The following SMTN variants were observed in gnomAD, a reference collection of about 807,000 sequenced individuals.
The protein encoded by SMTN is smoothelin.
Under a neutral mutation model 102.0 loss-of-function variants are expected in SMTN, and 58 were observed. The ratio of observed to expected loss-of-function variants is 0.57; its 90% CI spans 0.46 to 0.71. SMTN has a LOEUF of 0.71. SMTN is among the 30% of genes least tolerant of loss of function. The probability of loss-of-function intolerance (pLI) is 0.00; values close to 1 mark genes in which losing one functional copy is unlikely to be tolerated. For synonymous variants in SMTN, 478 were observed against 497.9 expected (o/e 0.96, Z 0.53); for missense variants, 1,185 against 1,241.7 (o/e 0.95, Z 0.69).
intron 19 of SMTN, 60 bp from the exon 20 acceptor site, chr22:31,100,825 C>T: frequency 1.2e-6 from 1 of 837,568 alleles, no homozygotes; most frequent in East Asian, 2.8e-5. Flanking sequence ...TCTTCCCCAC[C>T]CGGGGCCCTG....
At position 31,099,699 on chromosome 22, in the gene SMTN, G is replaced by A. The variant is rs113431710; in HGVS notation, c.2452-46G>A. ...AGAATGCTGAGGGGTAGACAGCAGG[G>A]GGGAGTTGCCCCCAGGTTCCTGACC... On this transcript the variant is annotated intron_variant, in intron 18 of 20. Transcript: ENST00000333137. 57 of 1,601,680 alleles carry A rather than the reference G, an allele frequency of 3.6e-5. 2 individuals carry two copies. In the African/African-American group the frequency reaches 3.9e-4, roughly 11 times the overall value.
Position 31,096,913 on chromosome 22 carries a change from G to T in SMTN, c.2026+16G>T, listed in dbSNP as rs2043633648. On this transcript the variant is annotated intron_variant, in intron 14 of 20. Coordinates refer to ENST00000333137, the MANE Select transcript of SMTN (RefSeq NM_134269.3). ...GTCCACTCCAGTAAGGGGCCAAATG[G>T]GGCCGGCCCAGGGCTCAGGGTGGGA... 1 of 1,605,944 alleles carries T rather than the reference G, an allele frequency of 6.2e-7. No homozygotes were observed. Among genetic ancestry groups the T allele is most frequent in the Non-Finnish European group, 8.5e-7 (1 of 1,175,078 alleles).
intron 1 of SMTN, among the ~76,000 whole-genome samples, chr22:31,070,674 A>G (rs11705177): frequency 0.23 from 34,816 of 151,346 alleles, 5,190 homozygotes; most frequent in African/African-American, 0.43. Flanking sequence ...CTGTAATCCC[A>G]GCACTTTGGG....
At chr22:31,086,888 C>T (rs2147622175) in intron 2 of SMTN, among the ~76,000 whole-genome samples, 1 of 152,368 alleles carries the variant, frequency 6.6e-6, no homozygotes, top group Non-Finnish European at 1.5e-5. Context: ...CCCATCCCCA[C>T]CCTTGCCACC....
chr22:31,090,639 G>A (rs919525458), intron 8 of SMTN, among the ~76,000 whole-genome samples, 169 bp from the exon 9 acceptor site: 7 of 152,124 alleles, frequency 4.6e-5, no homozygotes, highest in Non-Finnish European at 1.0e-4. Flanking sequence ...TGGGGATGCC[G>A]GAGTGTGGGA....
chr22:31,088,122 C>CG lies in SMTN; in HGVS notation c.200+15dup. 1.3e-6 allele frequency: 2 copies of CG among 1,586,734 alleles called. No homozygotes were observed. Among genetic ancestry groups the CG allele is most frequent in the Non-Finnish European group, 8.6e-7 (1 of 1,162,050 alleles). On this transcript the variant is annotated intron_variant, in intron 3 of 20. Transcript: ENST00000333137. ...AAGGAGAACTGGCTGCAGTGAGTAG[C>CG]GGGGGGTGGAACATGCGGGTGAGAA...
chr22:31,070,884 A>G (rs1368139527), intron 1 of SMTN, among the ~76,000 whole-genome samples: 26 of 146,580 alleles, frequency 1.8e-4, no homozygotes, highest in Non-Finnish European at 3.1e-4. Context: ...AGATCACGCC[A>G]TTGCACTCCA....
chr22:31,092,522 G>T, intron 11 of SMTN: 1 of 471,242 alleles, frequency 2.1e-6, no homozygotes, highest in Non-Finnish European at 4.4e-6. Context: ...GGGCCACCCG[G>T]CTGCCCAGGT....
rs751724254 is a variant in SMTN at position 31,090,820 on chromosome 22, C to A, written c.878C>A (p.Pro293His). 1.1e-5 allele frequency: 17 copies of A among 1,613,756 alleles called. No individual in the cohort carries two copies. The highest frequency in any genetic ancestry group is 1.4e-5 in the Non-Finnish European group (17 of 1,179,792). Reference protein sequence around the residue: ...SDTKRADVAGPRPCQRSLSVL... With the variant: ...SDTKRADVAGHRPCQRSLSVL... ...CCCAACCTGCCAGACGTGGCTGGACCCCGACCCTGCCAACGCTCCCTGTCG... is the reference window on the plus strand; with the variant it reads ...CCCAACCTGCCAGACGTGGCTGGACACCGACCCTGCCAACGCTCCCTGTCG... The change falls in exon 9 of 21, where the codon CCC (proline) becomes CAC (histidine). Residue 293 changes from proline to histidine, a missense_variant. Coordinates refer to ENST00000333137, the MANE Select transcript of SMTN (RefSeq NM_134269.3).
At chr22:31,104,155 G>C in intron 20 of SMTN, 161 bp from the exon 21 acceptor site, 1 of 776,300 alleles carries the variant, frequency 1.3e-6, no homozygotes. Flanking sequence ...GGCTTGGGTA[G>C]ATGAAGCCAG....
intron 18 of SMTN, 174 bp downstream of exon 18, chr22:31,099,353 G>T (rs1602674411): frequency 3.3e-6 from 2 of 602,078 alleles, no homozygotes; most frequent in Non-Finnish European, 5.9e-6. Flanking sequence ...CACAAGGCAA[G>T]CCCTAGATTC....
intron 2 of SMTN, among the ~76,000 whole-genome samples, chr22:31,086,823 C>A (rs1187119674): frequency 2.0e-5 from 3 of 152,232 alleles, no homozygotes; most frequent in African/African-American, 2.4e-5. Flanking sequence ...CTAGGACAAG[C>A]TGGCTCATGG....
At chr22:31,093,329 C>G (rs923701494) in intron 11 of SMTN, 1 of 310,760 alleles carries the variant, frequency 3.2e-6, no homozygotes, top group African/African-American at 2.2e-5. Flanking sequence ...AGGGGCGGGG[C>G]AGGCCCGCTG....
In SMTN at chr22:31,095,754, C is replaced by T. The variant is rs2043536138; in HGVS notation, c.1861+145C>T. The stretch of plus-strand genomic sequence containing the variant: ...TCTCTAGACCCAGCAGTTCCCTTGG[C>T]TATTCCCTGCTGGATCCAGCTGCTC... On this transcript the variant is annotated intron_variant, in intron 13 of 20. Transcript: ENST00000333137. The surrounding 1 kb of genome is among the most constrained non-coding windows in gnomAD (Gnocchi z 4.1). 1.5e-6 allele frequency: 1 copy of T among 673,568 alleles called. No homozygotes were observed. Among genetic ancestry groups the T allele is most frequent in the East Asian group, 2.7e-5 (1 of 36,686 alleles). 41.7% of individuals were successfully genotyped at this position (673,568 alleles called of 1,614,324 possible). A position where few individuals can be genotyped will look rare whatever the true frequency, so the allele number is the denominator to read the frequency against.
Position 31,096,843 on chromosome 22 carries a change from G to C in SMTN, c.1972G>C (p.Ala658Pro). The C allele has an allele frequency of 6.3e-7, 1 of 1,576,388 alleles. No homozygotes were observed. Among genetic ancestry groups the C allele is most frequent in the Non-Finnish European group, 8.6e-7 (1 of 1,158,162 alleles). Reference protein sequence around the residue: ...ETTTRHSQRAADGSAVSTVTK... With the variant: ...ETTTRHSQRAPDGSAVSTVTK... The stretch of plus-strand genomic sequence containing the variant: ...CACCACGAGGCACAGCCAGCGGGCA[G>C]CTGATGGCTCTGCTGTCAGCACTGT... Residue 658 changes from alanine (A) to proline (P), a missense_variant, in exon 14 of 21, where the codon GCT (alanine) becomes CCT (proline). Ala to Pro is a conservative substitution (Grantham distance 27). Coordinates refer to ENST00000333137, the MANE Select transcript of SMTN (RefSeq NM_134269.3).
At chr22:31,078,050 G>A (rs1477954652), upstream of SMTN, among the ~76,000 whole-genome samples, 1 of 152,194 alleles carries the variant, frequency 6.6e-6, no homozygotes, top group Non-Finnish European at 1.5e-5. Context: ...TCCTACTTCC[G>A]TTCCTTTGCT....
chr22:31,095,678 G>A lies in SMTN; in HGVS notation c.1861+69G>A, dbSNP rs552519381. On this transcript the variant is annotated intron_variant, in intron 13 of 20. Coordinates refer to ENST00000333137, the MANE Select transcript of SMTN (RefSeq NM_134269.3). This position sits in a 1 kb window ranked among gnomAD's most constrained non-coding sequence, Gnocchi z 4.1. Reference sequence around the variant, plus strand: ...CCCAGCTGCTCCCCTCATACTCTGGGGTCCATTTGTGGACACCCCAGCTTA... The same window carrying A: ...CCCAGCTGCTCCCCTCATACTCTGGAGTCCATTTGTGGACACCCCAGCTTA... 5.7e-6 allele frequency: 8 copies of A among 1,414,828 alleles called. No homozygotes were observed. The highest frequency in any genetic ancestry group is 2.8e-5 in the African/African-American group (2 of 70,712). 87.6% of individuals were successfully genotyped at this position (1,414,828 alleles called of 1,614,324 possible). A position where few individuals can be genotyped will look rare whatever the true frequency, so the allele number is the denominator to read the frequency against.
At chr22:31,097,248 G>A (rs745549262) in intron 15 of SMTN, 21 bp from the exon 16 acceptor site, 3 of 1,613,416 alleles carry the variant, frequency 1.9e-6, no homozygotes, top group Admixed American at 1.7e-5. Context: ...CTCACCTGGT[G>A]CCCCTTCCCC....
intron 11 of SMTN, chr22:31,092,629 G>T (rs2043221989): frequency 2.2e-6 from 1 of 450,520 alleles, no homozygotes; most frequent in South Asian, 1.6e-5. Flanking sequence ...CAGGGAGAGA[G>T]TGAGGGAAAT....
Sources: gnomAD v4.1 joint callset for allele counts (sites outside exome capture counted in the v4.1 genomes callset) on GRCh38, gnomAD v4.1.1 for gene constraint, Gnocchi (gnomAD v3.1) non-coding constraint, MANE v1.5 for transcripts, NCBI Gene and HGNC (gene_info 2026-07-23, HGNC 2026-07-21) for gene names.